The following BCAT2 variants were observed in gnomAD, a reference collection of about 807,000 sequenced individuals.
BCAT2 encodes branched-chain-amino-acid aminotransferase, mitochondrial.
Under a neutral mutation model 52.9 loss-of-function variants are expected in BCAT2, and 44 were observed. That is an observed-to-expected ratio of 0.83 (90% CI 0.65 to 1.07). The LOEUF is 1.07. Ranked by LOEUF, BCAT2 falls within the 50% of genes least tolerant of loss-of-function variation. The pLI, the probability that BCAT2 is intolerant of heterozygous loss-of-function variation, is 0.00. For synonymous variants in BCAT2, 215 were observed against 217.1 expected (o/e 0.99, Z 0.08); for missense variants, 478 against 521.8 (o/e 0.92, Z 0.82).
intron 1 of BCAT2, among the ~76,000 whole-genome samples, chr19:48,810,250 C>T (rs2034889810): frequency 6.6e-6 from 1 of 152,210 alleles, no homozygotes; most frequent in Non-Finnish European, 1.5e-5. Flanking sequence ...AGACAGTTCT[C>T]CCAAGGTTAC....
chr19:48,796,568 C>CCCG lies in BCAT2; in HGVS notation c.1065+7_1065+9dup. 1 of 1,611,952 alleles carries CCCG rather than the reference C, an allele frequency of 6.2e-7. No homozygotes were observed. Among genetic ancestry groups the CCCG allele is most frequent in the Non-Finnish European group, 8.5e-7 (1 of 1,179,274 alleles). On this transcript the variant is annotated intron_variant, in intron 9 of 10. Coordinates refer to ENST00000316273, the MANE Select transcript of BCAT2 (RefSeq NM_001190.4). ...CTTCCCTCCCACCCACAATGGCAGC[C>CCCG]CCGCCTCACCCTGTCTTTGTACAGG...
rs2034831047 is a variant in BCAT2, at chr19:48,807,986, G to C, written c.25-912C>G. ...TTCCCCAGCCCTGTGGGGAGGCGTT[G>C]GGGCGTGAGGTTGAGAGAGACAGAG... On this transcript the variant is annotated intron_variant, in intron 1 of 10. Transcript: ENST00000316273. This position sits in a 1 kb window ranked among gnomAD's most constrained non-coding sequence, Gnocchi z 4.6. 3.0e-6 allele frequency: 3 copies of C among 986,058 alleles called. No individual in the cohort carries two copies. Among genetic ancestry groups the C allele is most frequent in the Non-Finnish European group, 3.6e-6 (3 of 830,270 alleles). The allele number at this position is 986,058 out of a possible 1,614,324, so 61.1% of individuals were successfully genotyped here.
rs3057799 is a variant in BCAT2, at chr19:48,809,066, CAAAAAAAAAA to C, written c.24+1908_24+1917del. Among the ~76,000 whole-genome samples the C allele has an allele frequency of 8.4e-3, 243 of 28,946 alleles. 2 individuals carry two copies. Among genetic ancestry groups the C allele is most frequent in the Middle Eastern group, 0.056 (1 of 18 alleles). The allele number at this position is 28,946 out of a possible 152,430, so 19.0% of individuals were successfully genotyped here. ...CCAGCATGAGTGATAGAGTGTCTCT[CAAAAAAAAAA>C]AAAAAAAAAAAAAAAAAAAAGACCA... is the stretch of plus-strand genomic sequence containing the variant. On this transcript the variant is annotated intron_variant, in intron 1 of 10. Transcript: ENST00000316273.
chr19:48,809,255 G>T (rs1418883212), intron 1 of BCAT2, among the ~76,000 whole-genome samples: 2 of 151,980 alleles, frequency 1.3e-5, no homozygotes, highest in African/African-American at 4.8e-5. Context: ...AACAGAGCAA[G>T]ACTCGGTCAA....
chr19:48,804,874 T>C (rs1158889251), intron 3 of BCAT2, among the ~76,000 whole-genome samples: 1 of 152,174 alleles, frequency 6.6e-6, no homozygotes, highest in Non-Finnish European at 1.5e-5. Context: ...ATCACGCTTA[T>C]GTACTGGCAG....
chr19:48,809,886 C>T (rs2034882064), intron 1 of BCAT2, among the ~76,000 whole-genome samples: 1 of 152,100 alleles, frequency 6.6e-6, no homozygotes, highest in Non-Finnish European at 1.5e-5. Flanking sequence ...GTCCTCTCCA[C>T]ACCCCGGGAC....
chr19:48,801,652 A>G (rs896283988), intron 3 of BCAT2, among the ~76,000 whole-genome samples: 2 of 151,940 alleles, frequency 1.3e-5, no homozygotes. Flanking sequence ...TTTATTTTTT[A>G]TTTTATTTGA....
chr19:48,809,891 C>T (rs1472062030), intron 1 of BCAT2, among the ~76,000 whole-genome samples: 3 of 152,104 alleles, frequency 2.0e-5, no homozygotes, highest in Non-Finnish European at 2.9e-5. Flanking sequence ...CTCCACACCC[C>T]GGGACTGTCC....
Position 48,800,058 on chromosome 19 carries a change from T to G in BCAT2, c.454A>C (p.Ile152Leu). The G allele has an allele frequency of 6.2e-7, 1 of 1,614,032 alleles. No homozygotes were observed. The highest frequency in any genetic ancestry group is 1.3e-5 in the African/African-American group (1 of 75,056). ...LELLECIRRL[I>L]EVDKDWVPDA... Reference sequence around the variant, plus strand: ...GGGACCCAGTCCTTGTCCACTTCGATGAGCCGGCGGATGCACTCCAGCAAC... The same window carrying G: ...GGGACCCAGTCCTTGTCCACTTCGAGGAGCCGGCGGATGCACTCCAGCAAC... The change falls in exon 5 of 11, where the codon ATC becomes CTC. Residue 152 changes from isoleucine (I) to leucine (L), a missense_variant. Physicochemically the swap from Ile to Leu is conservative, Grantham distance 5. Coordinates refer to ENST00000316273, the MANE Select transcript of BCAT2 (RefSeq NM_001190.4).
At chr19:48,810,908 T>C in intron 1 of BCAT2, 76 bp downstream of exon 1, 4 of 1,568,426 alleles carry the variant, frequency 2.6e-6, no homozygotes, top group Non-Finnish European at 3.5e-6. Flanking sequence ...TCGGACCGGC[T>C]GCAGGCCAGT....
intron 1 of BCAT2, 184 bp downstream of exon 1, chr19:48,810,799 TC>T: frequency 8.3e-7 from 1 of 1,200,770 alleles, no homozygotes; most frequent in East Asian, 5.3e-5. Context: ...GTCTACCTGC[TC>T]CCCCTCACCC....
Position 48,797,312 on chromosome 19 carries a change from T to C in BCAT2, c.717A>G (p.Leu239=). ...CCCGCTTGAGTGCCTCCTGTTGCAC[T>C]AACACGGTGGGCCCATAATTCCTGG... ...KLGGNYGPTV[L]VQQEALKRGC... is the part of the protein sequence containing the mutation. The change falls in exon 7 of 11, where the codon TTA becomes TTG. Residue 239 remains leucine (L), a synonymous_variant. Transcript: ENST00000316273. The C allele has an allele frequency of 6.2e-7, 1 of 1,613,930 alleles. No homozygotes were observed.
At chr19:48,797,366 G>A (rs1284936238) in intron 6 of BCAT2, 33 bp from the exon 7 acceptor site, 5 of 1,612,136 alleles carry the variant, frequency 3.1e-6, no homozygotes, top group South Asian at 1.1e-5. Context: ...GGTGGGGCAA[G>A]GGAGCCCCAT....
In BCAT2 at chr19:48,808,037, G is replaced by A. The variant is rs778022427; in HGVS notation, c.25-963C>T. 1.8e-4 allele frequency: 182 copies of A among 987,074 alleles called. 1 individual carries two copies. Among genetic ancestry groups the A allele is most frequent in the Non-Finnish European group, 6.6e-5 (55 of 831,068 alleles). The allele number at this position is 987,074 out of a possible 1,614,324, so 61.1% of individuals were successfully genotyped here. A position where few individuals can be genotyped will look rare whatever the true frequency, so the allele number is the denominator to read the frequency against. On this transcript the variant is annotated intron_variant, in intron 1 of 10. Transcript: ENST00000316273. ...TGGCCTGGCCTGGCCTGCCCTGTGAGCTGGGTGAGTTGGCACTGATTCTGG... is the reference window on the plus strand; with the variant it reads ...TGGCCTGGCCTGGCCTGCCCTGTGAACTGGGTGAGTTGGCACTGATTCTGG...
chr19:48,802,905 A>G (rs1321433979), intron 3 of BCAT2, among the ~76,000 whole-genome samples: 1 of 152,252 alleles, frequency 6.6e-6, no homozygotes, highest in East Asian at 1.9e-4. Context: ...GGTATAGAGA[A>G]GAATTTCCAG....
At chr19:48,810,855 G>C (rs2034906395) in intron 1 of BCAT2, 129 bp downstream of exon 1, 10 of 1,504,968 alleles carry the variant, frequency 6.6e-6, no homozygotes, top group Non-Finnish European at 8.9e-6. Context: ...ATCCTCCTCC[G>C]CGCCCTGCAG....
chr19:48,803,883 G>A (rs1357768733), intron 3 of BCAT2, among the ~76,000 whole-genome samples: 1 of 152,202 alleles, frequency 6.6e-6, no homozygotes, highest in East Asian at 1.9e-4. Context: ...TTGGAGGCTG[G>A]GCGCCGTGGC....
At chr19:48,804,739 T>C (rs576675755) in intron 3 of BCAT2, among the ~76,000 whole-genome samples, 1 of 152,042 alleles carries the variant, frequency 6.6e-6, no homozygotes, top group East Asian at 1.9e-4. Flanking sequence ...CTGCTCTCAC[T>C]CAGCTGAAGA....
rs773739531 is a variant in BCAT2, at chr19:48,799,728, G to A, written c.642C>T (p.Asp214=). 1.9e-6 allele frequency: 3 copies of A among 1,595,710 alleles called. No homozygotes were observed. The highest frequency in any genetic ancestry group is 3.6e-5 in the Admixed American group (2 of 56,012). ...CCACCCAGGCCCGGATGAAGGCTGG[G>A]TCGGCCAGGAGGGAGACCGGGGTCA... is the stretch of plus-strand genomic sequence containing the variant. The part of the protein sequence containing the change: ...GSVTPVSLLA[D]PAFIRAWVGG... The change falls in exon 6 of 11, where the codon GAC becomes GAT. Residue 214 remains aspartate, a synonymous_variant. Coordinates refer to ENST00000316273, the MANE Select transcript of BCAT2 (RefSeq NM_001190.4). The surrounding 1 kb of genome is among the most constrained non-coding windows in gnomAD (Gnocchi z 5.5).
Sources: allele counts gnomAD v4.1 joint callset (sites outside exome capture counted in the v4.1 genomes callset), GRCh38; gene constraint gnomAD v4.1.1; non-coding constraint Gnocchi (gnomAD v3.1); transcripts MANE v1.5; gene names NCBI Gene and HGNC (gene_info 2026-07-23, HGNC 2026-07-21).